BRWD1: variants seen among roughly 807,000 people sequenced by gnomAD.
BRWD1 encodes the protein bromodomain and WD repeat-containing protein 1.
In BRWD1, 82 loss-of-function variants were observed where a neutral mutation model predicts 251.2. The observed-to-expected ratio is 0.33, with a 90% CI of 0.27 to 0.39. The LOEUF (loss-of-function observed/expected upper bound fraction) is 0.39. Among genes scored for constraint, BRWD1 ranks in the 10% least tolerant of loss-of-function variants. The pLI is 1.00. For synonymous variants in BRWD1, 918 were observed against 902.8 expected (o/e 1.02, Z -0.30); for missense variants, 2,233 against 2,711.6 (o/e 0.82, Z 3.92).
chr21:39,218,064 A>G, intron 31 of BRWD1, 88 bp downstream of exon 31: 2 of 1,357,888 alleles, frequency 1.5e-6, no homozygotes, highest in Non-Finnish European at 2.0e-6. Flanking sequence ...TCAGCCCCCA[A>G]TTCTACCACT....
intron 36 of BRWD1, among the ~76,000 whole-genome samples, chr21:39,207,954 G>A (rs1305157991): frequency 6.6e-6 from 1 of 152,174 alleles, no homozygotes; most frequent in Non-Finnish European, 1.5e-5. Context: ...TCTAGGACAG[G>A]CAAATTCAGA....
Position 39,256,041 on chromosome 21 carries a change from T to C in BRWD1, c.2072-213A>G, listed in dbSNP as rs556020463. 3.9e-5 allele frequency among the ~76,000 whole-genome samples: 6 copies of C among 152,284 alleles called. No individual in the cohort carries two copies. The South Asian group carries it at 1.2e-3, about 32-fold the overall frequency. On this transcript the variant is annotated intron_variant, in intron 18 of 40. Transcript: ENST00000342449. ...CTATGTTGCCCGGGCTAGTCGCAAATGCCTGGCCTCAAGCAATCCTCTTAA... is the reference window on the plus strand; with the variant it reads ...CTATGTTGCCCGGGCTAGTCGCAAACGCCTGGCCTCAAGCAATCCTCTTAA...
upstream of BRWD1, among the ~76,000 whole-genome samples, chr21:39,318,792 A>G (rs2036722261): frequency 6.6e-6 from 1 of 151,872 alleles, no homozygotes; most frequent in African/African-American, 2.4e-5. Context: ...CTAATTTTTT[A>G]CTGTTTTTTA....
chr21:39,196,423 C>A lies in BRWD1; in HGVS notation c.6646G>T (p.Asp2216Tyr). The stretch of plus-strand genomic sequence containing the variant: ...TCCAAATCCTCCCAGTCATTATCAT[C>A]CACACTTAACCTAGGGCGTTTGCTT... ...RQSKRPRLSV[D>Y]DNDWEDLDYA... Residue 2216 changes from aspartate to tyrosine, a missense_variant, in exon 41 of 41, where the codon GAT becomes TAT. By Grantham distance (160) the Asp-to-Tyr change is radical. Transcript: ENST00000342449. The A allele has an allele frequency of 6.2e-7, 1 of 1,613,764 alleles. No homozygotes were observed. The highest frequency in any genetic ancestry group is 8.5e-7 in the Non-Finnish European group (1 of 1,179,758).
At chr21:39,318,499 C>T (rs2036719486), upstream of BRWD1, among the ~76,000 whole-genome samples, 2 of 152,174 alleles carry the variant, frequency 1.3e-5, no homozygotes, top group African/African-American at 2.4e-5. Context: ...AAGTAGATGA[C>T]GTTGGACCTC....
intron 5 of BRWD1, chr21:39,296,890 A>G: frequency 2.0e-6 from 2 of 983,510 alleles, no homozygotes; most frequent in Non-Finnish European, 2.4e-6. Context: ...TATAAGGAAA[A>G]AGTTCTTTGA....
At chr21:39,247,510 T>C (rs1170275950) in intron 21 of BRWD1, among the ~76,000 whole-genome samples, 191 bp downstream of exon 21, 1 of 152,226 alleles carries the variant, frequency 6.6e-6, no homozygotes, top group South Asian at 2.1e-4. Flanking sequence ...ACCACTGGAT[T>C]GCACAAGTAT....
At chr21:39,319,740 A>C (rs897911540) in intron 1 of BRWD1, among the ~76,000 whole-genome samples, 2 of 152,212 alleles carry the variant, frequency 1.3e-5, no homozygotes, top group Non-Finnish European at 2.9e-5. Flanking sequence ...ACCCTGTTAT[A>C]TAAGAATAAT....
At chr21:39,207,485 A>ACACACAC (rs1350272514) in intron 36 of BRWD1, among the ~76,000 whole-genome samples, 15,954 of 119,478 alleles carry the variant, frequency 0.13, 1,019 homozygotes, top group Middle Eastern at 0.2. Context: ...CACACACACA[A>ACACACAC]ACAAAACTCC....
chr21:39,302,581 A>AC (rs1419898294), intron 4 of BRWD1, among the ~76,000 whole-genome samples: 1 of 151,238 alleles, frequency 6.6e-6, no homozygotes, highest in Admixed American at 6.6e-5. Flanking sequence ...ACATGGTGAA[A>AC]CCCCACCTCT....
Position 39,247,785 on chromosome 21 carries a change from C to T in BRWD1, c.2397G>A (p.Arg799=). 6.2e-7 allele frequency: 1 copy of T among 1,613,324 alleles called. No homozygotes were observed. The highest frequency in any genetic ancestry group is 8.5e-7 in the Non-Finnish European group (1 of 1,179,700). ...LVSQSRQRTC[R]RKYPNYGRRN... is the part of the protein sequence containing the mutation. ...TTCTACCATAATTTGGATATTTACG[C>T]CTACATGTCCTTTGTCTAGACTGTG... The change falls in exon 21 of 41, where the codon AGG becomes AGA. Residue 799 remains arginine, a synonymous_variant. Transcript: ENST00000342449.
chr21:39,196,995 T>C lies in BRWD1; in HGVS notation c.6074A>G (p.Asn2025Ser). 6.2e-7 allele frequency: 1 copy of C among 1,614,106 alleles called. No individual in the cohort carries two copies. ...GGTATGCCTGTGCTTGTGTTCTGAA[T>C]TCAACATATCTTCAGAGTCTGAGTC... ...NGDSDSEDML[N>S]SEHKHRHTNI... Residue 2025 changes from asparagine (N) to serine (S), a missense_variant, in exon 41 of 41, where the codon AAT becomes AGT. Asn to Ser is a conservative substitution (Grantham distance 46, BLOSUM62 1). Around this residue, in one of 12 missense-constraint regions of BRWD1, gnomAD observed 928 missense variants for 970.0 expected, o/e 0.96. Transcript: ENST00000342449.
At chr21:39,260,610 T>C (rs906165903) in intron 17 of BRWD1, among the ~76,000 whole-genome samples, 3 of 152,076 alleles carry the variant, frequency 2.0e-5, no homozygotes, top group African/African-American at 7.2e-5. Flanking sequence ...ACTACAATAC[T>C]GGAAAAAATA....
chr21:39,288,126 T>C (rs1489617701), intron 8 of BRWD1, among the ~76,000 whole-genome samples: 3 of 152,130 alleles, frequency 2.0e-5, no homozygotes, highest in Non-Finnish European at 4.4e-5. Context: ...CTTATTCACA[T>C]GGCTATAGCA....
intron 8 of BRWD1, among the ~76,000 whole-genome samples, chr21:39,291,837 T>C (rs777535101): frequency 6.6e-6 from 1 of 152,246 alleles, no homozygotes; most frequent in Non-Finnish European, 1.5e-5. Flanking sequence ...TGATGAGTTA[T>C]GCACATTACC....
chr21:39,320,990 C>T (rs1162037981), intron 1 of BRWD1: 1 of 151,726 alleles, frequency 6.6e-6, no homozygotes, highest in Non-Finnish European at 1.5e-5. Flanking sequence ...TTATATCATA[C>T]ATGCAACTCA....
intron 4 of BRWD1, among the ~76,000 whole-genome samples, chr21:39,311,814 A>T (rs62223042): frequency 2.0e-5 from 3 of 152,130 alleles, no homozygotes; most frequent in Non-Finnish European, 4.4e-5. Flanking sequence ...GTTCATGGAA[A>T]TAACACATCC....
At chr21:39,289,879 G>A (rs1421495794) in intron 8 of BRWD1, among the ~76,000 whole-genome samples, 1 of 151,750 alleles carries the variant, frequency 6.6e-6, no homozygotes, top group African/African-American at 2.4e-5. Context: ...CAAAAAATTA[G>A]CCGGACGTGG....
At chr21:39,286,700 C>T (rs1335883580) in intron 8 of BRWD1, among the ~76,000 whole-genome samples, 1 of 151,554 alleles carries the variant, frequency 6.6e-6, no homozygotes, top group Non-Finnish European at 1.5e-5. Flanking sequence ...ATTTTTAATA[C>T]AGACAGGGTT....
Sources: allele counts gnomAD v4.1 joint callset (sites outside exome capture counted in the v4.1 genomes callset), GRCh38; gene constraint gnomAD v4.1.1; regional missense constraint gnomAD v4.1.1; transcripts MANE v1.5; gene names NCBI Gene and HGNC (gene_info 2026-07-23, HGNC 2026-07-21).